CPVL: variants seen among roughly 807,000 people sequenced by gnomAD.
The protein encoded by CPVL is carboxypeptidase vitellogenic like, also known as probable serine carboxypeptidase CPVL.
Under a neutral mutation model 63.7 loss-of-function variants are expected in CPVL, and 51 were observed. The observed-to-expected ratio is 0.80, with a 90% confidence interval of 0.64 to 1.01. The LOEUF is 1.01. Among genes scored for constraint, CPVL ranks in the 50% least tolerant of loss-of-function variants. The probability of loss-of-function intolerance (pLI) is 0.00; values close to 1 mark genes in which losing one functional copy is unlikely to be tolerated. For synonymous variants in CPVL, 195 were observed against 206.0 expected (o/e 0.95, Z 0.46); for missense variants, 530 against 573.1 (o/e 0.92, Z 0.77).
chr7:29,195,093 C>T lies in CPVL; in HGVS notation c.-464G>A, dbSNP rs965896845. 3.1e-6 allele frequency: 4 copies of T among 1,299,518 alleles called. No homozygotes were observed. The African/African-American group carries it at 6.1e-5, about 20-fold the overall frequency. The allele number at this position is 1,299,518 out of a possible 1,614,324, so 80.5% of individuals were successfully genotyped here. A position where few individuals can be genotyped will look rare whatever the true frequency, so the allele number is the denominator to read the frequency against. On this transcript the variant is annotated 5_prime_UTR_variant, in exon 1 of 17. Transcript: ENST00000409850. ...AGAGCCTACCTGTGGCCATCCCGCCCGCTCTCTCGGAATGGGGGCAGGCGT... is the reference window on the plus strand; with the variant it reads ...AGAGCCTACCTGTGGCCATCCCGCCTGCTCTCTCGGAATGGGGGCAGGCGT...
chr7:29,034,853 G>GGAAAA (rs1193178597), intron 11 of CPVL, among the ~76,000 whole-genome samples: 2 of 123,974 alleles, frequency 1.6e-5, no homozygotes, highest in African/African-American at 3.0e-5. Flanking sequence ...TTTTATAATG[G>GGAAAA]AAAAAAAAAA....
At position 29,180,928 on chromosome 7, in the gene CPVL, A is replaced by C. The variant is rs561757113; in HGVS notation, c.-11+362T>G. The stretch of plus-strand genomic sequence containing the variant: ...GAGTACGTAAGATCATACATAAACA[A>C]CTCTTGGTACCAATCACTGGTACCC... On this transcript the variant is annotated intron_variant, in intron 5 of 16. Coordinates refer to the CPVL transcript ENST00000409850. Among the ~76,000 whole-genome samples the C allele has an allele frequency of 2.8e-4, 42 of 152,250 alleles. 2 individuals carry two copies. The South Asian group carries it at 8.7e-3, about 32-fold the overall frequency.
intron 1 of CPVL, among the ~76,000 whole-genome samples, chr7:29,131,735 G>T (rs1161383799): frequency 6.6e-6 from 1 of 152,138 alleles, no homozygotes; most frequent in Non-Finnish European, 1.5e-5. Flanking sequence ...CTGGTCTCGA[G>T]CTCCTGGGCT....
intron 5 of CPVL, among the ~76,000 whole-genome samples, chr7:29,153,856 C>T (rs1426799304): frequency 6.6e-6 from 1 of 152,214 alleles, no homozygotes; most frequent in African/African-American, 2.4e-5. Context: ...AGGCATGAGC[C>T]ACCGCACCTG....
intron 3 of CPVL, among the ~76,000 whole-genome samples, chr7:29,098,436 GC>G (rs1336398802): frequency 1.3e-5 from 2 of 152,202 alleles, no homozygotes; most frequent in Non-Finnish European, 2.9e-5. Flanking sequence ...CCTATGAGGC[GC>G]CACCTCTCGG....
rs376419528 is a variant in CPVL at position 29,155,953 on chromosome 7, T to G, written c.-11+25337A>C. Among the ~76,000 whole-genome samples the G allele has an allele frequency of 1.1e-3, 169 of 152,312 alleles. No homozygotes were observed. The East Asian group carries it at 0.016, about 14-fold the overall frequency. On this transcript the variant is annotated intron_variant, in intron 5 of 16. Transcript: ENST00000409850. ...AGATCTAGAGACGGCCACGTGCTCT[T>G]GCACAGCCTAGCCAGCTGTGCCCCT...
intron 12 of CPVL, among the ~76,000 whole-genome samples, chr7:29,025,086 T>C (rs1210195908): frequency 6.6e-6 from 1 of 152,170 alleles, no homozygotes; most frequent in Non-Finnish European, 1.5e-5. Context: ...TAACTTTGAA[T>C]GTAAATGGAT....
At chr7:29,115,320 A>G (rs141836864) in intron 2 of CPVL, among the ~76,000 whole-genome samples, 245 of 152,286 alleles carry the variant, frequency 1.6e-3, no homozygotes, top group African/African-American at 5.7e-3. Context: ...TGCTTAATGC[A>G]ACCTCTGTTG....
chr7:29,003,861 G>A (rs985757578), intron 12 of CPVL, among the ~76,000 whole-genome samples: 1 of 152,050 alleles, frequency 6.6e-6, no homozygotes, highest in African/African-American at 2.4e-5. Flanking sequence ...TTCACAATAG[G>A]GTTCCCCTCC....
chr7:29,071,465 T>C (rs1448428171), intron 9 of CPVL, among the ~76,000 whole-genome samples: 2 of 152,192 alleles, frequency 1.3e-5, no homozygotes, highest in Non-Finnish European at 2.9e-5. Flanking sequence ...GATTTCCATA[T>C]GATAGAGTCT....
At chr7:29,089,196 T>G (rs916512923) in intron 6 of CPVL, among the ~76,000 whole-genome samples, 4 of 152,102 alleles carry the variant, frequency 2.6e-5, no homozygotes, top group African/African-American at 9.7e-5. Context: ...AGAAACAGAT[T>G]GCAAGGAAGA....
At position 29,072,073 on chromosome 7, in the gene CPVL, GAACAC is replaced by G. The variant is rs970237526; in HGVS notation, c.733-174_733-170del. Among the ~76,000 whole-genome samples, 5 of 152,142 alleles carry G rather than the reference GAACAC, an allele frequency of 3.3e-5. No homozygotes were observed. The South Asian group carries it at 1.0e-3, about 32-fold the overall frequency. Reference sequence around the variant, plus strand: ...TATACACCCCACAACACACACAACAGAACACAACACAATACAAACACACACACATT... The same window carrying G: ...TATACACCCCACAACACACACAACAGAACACAATACAAACACACACACATT... On this transcript the variant is annotated intron_variant, in intron 8 of 12. Coordinates refer to ENST00000265394, the MANE Select transcript of CPVL (RefSeq NM_031311.5).
At chr7:29,184,704 G>A (rs1241645387) in intron 3 of CPVL, among the ~76,000 whole-genome samples, 2 of 152,168 alleles carry the variant, frequency 1.3e-5, no homozygotes, top group East Asian at 3.9e-4. Context: ...GTTACTCAGT[G>A]TTCTGATTTA....
chr7:29,099,770 AGCT>A (rs1401906621), intron 3 of CPVL, among the ~76,000 whole-genome samples: 1 of 152,202 alleles, frequency 6.6e-6, no homozygotes, highest in African/African-American at 2.4e-5. Context: ...AGCCTTTTTA[AGCT>A]GCTGCTTGGA....
chr7:29,048,503 C>T (rs960292542), intron 11 of CPVL, among the ~76,000 whole-genome samples: 2 of 152,014 alleles, frequency 1.3e-5, no homozygotes, highest in Non-Finnish European at 1.5e-5. Context: ...AACACATATG[C>T]ACCTAACAGT....
At chr7:29,113,980 C>A (rs1329427822) in intron 2 of CPVL, among the ~76,000 whole-genome samples, 1 of 152,148 alleles carries the variant, frequency 6.6e-6, no homozygotes, top group African/African-American at 2.4e-5. Flanking sequence ...TGGAGACTGG[C>A]TAGTAGGTCA....
chr7:29,116,577 A>C (rs990750695), intron 2 of CPVL, among the ~76,000 whole-genome samples: 11 of 152,246 alleles, frequency 7.2e-5, no homozygotes, highest in African/African-American at 2.7e-4. Flanking sequence ...GAATGTGACC[A>C]ACAAAGGGCT....
intron 2 of CPVL, among the ~76,000 whole-genome samples, chr7:29,186,290 G>C (rs1798699752): frequency 6.6e-6 from 1 of 152,064 alleles, no homozygotes; most frequent in Admixed American, 6.6e-5. Flanking sequence ...GGTTCAAATT[G>C]AAAAACATAA....
chr7:29,018,333 A>C (rs2128140839), intron 12 of CPVL, among the ~76,000 whole-genome samples: 1 of 152,030 alleles, frequency 6.6e-6, no homozygotes, highest in East Asian at 1.9e-4. Context: ...AAAAATCTTA[A>C]AGCAATTTCT....
Sources: gnomAD v4.1 joint callset for allele counts (sites outside exome capture counted in the v4.1 genomes callset) on GRCh38, gnomAD v4.1.1 for gene constraint, MANE v1.5 for transcripts, NCBI Gene and HGNC (gene_info 2026-07-23, HGNC 2026-07-21) for gene names.